The following B3GLCT variants were observed in gnomAD, a reference collection of about 807,000 sequenced individuals.
The protein encoded by B3GLCT is beta 3-glucosyltransferase, also known as beta-1,3-glucosyltransferase.
B3GLCT carries 65 observed loss-of-function variants against 63.4 expected under a neutral mutation model. That is an observed-to-expected ratio of 1.03 (90% CI 0.84 to 1.26). The LOEUF is 1.26. Among genes scored for constraint, B3GLCT ranks in the 50% most tolerant of loss-of-function variants. B3GLCT has a pLI of 0.00. For missense variants in B3GLCT, 577 were observed against 604.8 expected (o/e 0.95, Z 0.48); for synonymous variants, 233 against 219.2 (o/e 1.06, Z -0.55).
intron 9 of B3GLCT, 60 bp from the exon 10 acceptor site, chr13:31,276,642 G>T (rs993550796): frequency 1.6e-5 from 16 of 1,015,926 alleles, no homozygotes; most frequent in Non-Finnish European, 2.5e-5. Flanking sequence ...GAGATCTAGT[G>T]TGGGTGTGAA....
At chr13:31,259,978 A>C (rs1176866027) in intron 6 of B3GLCT, among the ~76,000 whole-genome samples, 2 of 152,086 alleles carry the variant, frequency 1.3e-5, no homozygotes, top group Non-Finnish European at 2.9e-5. Context: ...TGCAATCCAG[A>C]TTGTTCTATT....
intron 1 of B3GLCT, among the ~76,000 whole-genome samples, chr13:31,203,855 A>C (rs76399070): frequency 1.0e-3 from 158 of 152,242 alleles, no homozygotes; most frequent in African/African-American, 3.8e-3. Flanking sequence ...TCACTAAGCA[A>C]CTCCCAAAGA....
intron 2 of B3GLCT, among the ~76,000 whole-genome samples, chr13:31,220,007 T>A (rs1296438871): frequency 6.6e-6 from 1 of 152,240 alleles, no homozygotes. Context: ...GAAGTGGGTC[T>A]TGTCATTATT....
intron 1 of B3GLCT, among the ~76,000 whole-genome samples, chr13:31,200,808 C>T (rs1409478664): frequency 1.3e-5 from 2 of 152,046 alleles, no homozygotes; most frequent in East Asian, 3.9e-4. Context: ...AGGACAGGGG[C>T]GCCCGCTGGG....
intron 12 of B3GLCT, among the ~76,000 whole-genome samples, chr13:31,308,441 T>C (rs117495701): frequency 0.034 from 5,160 of 151,228 alleles, 135 homozygotes; most frequent in Non-Finnish European, 0.054. Context: ...TTGGCATTTA[T>C]AGGTGGAGTC....
chr13:31,236,660 C>G (rs1381636314), intron 4 of B3GLCT, among the ~76,000 whole-genome samples: 2 of 152,184 alleles, frequency 1.3e-5, no homozygotes, highest in Non-Finnish European at 2.9e-5. Context: ...TGAGCTGTTA[C>G]AGCTTAGGTA....
At chr13:31,270,967 C>T (rs1872553636) in intron 8 of B3GLCT, among the ~76,000 whole-genome samples, 1 of 152,168 alleles carries the variant, frequency 6.6e-6, no homozygotes. Context: ...GTTTCCACCT[C>T]ATAAAATGAA....
In B3GLCT at chr13:31,323,821, C is replaced by G. The variant is rs779399681; in HGVS notation, c.1255C>G (p.Pro419Ala). The change falls in exon 14 of 15, where the codon CCC (proline) becomes GCC (alanine). Residue 419 changes from proline to alanine, a missense_variant. Transcript: ENST00000343307. ...SKCRCYSNDA[P>A]DDMVLGMCFS... ...ATGTCGATGCTACAGCAATGATGCT[C>G]CCGATGATATGGTCCTGGGAATGTG... 17 of 1,614,128 alleles carry G rather than the reference C, an allele frequency of 1.1e-5. No individual in the cohort carries two copies. The highest frequency in any genetic ancestry group is 1.4e-5 in the Non-Finnish European group (16 of 1,179,996).
chr13:31,211,360 C>T (rs1869250181), intron 1 of B3GLCT, among the ~76,000 whole-genome samples: 1 of 152,160 alleles, frequency 6.6e-6, no homozygotes, highest in Admixed American at 6.5e-5. Flanking sequence ...AGTGCCACTG[C>T]ACTCCACTCT....
intron 10 of B3GLCT, among the ~76,000 whole-genome samples, chr13:31,277,997 T>G (rs539940850): frequency 4.6e-5 from 7 of 152,290 alleles, no homozygotes; most frequent in African/African-American, 1.4e-4. Context: ...TGGAAGGGTT[T>G]TGTGGGATTA....
chr13:31,289,274 T>C (rs564798921), intron 12 of B3GLCT, among the ~76,000 whole-genome samples: 5 of 152,238 alleles, frequency 3.3e-5, no homozygotes, highest in African/African-American at 4.8e-5. Context: ...AACTTATAAA[T>C]TATCAATATT....
chr13:31,228,938 G>C (rs1400569469), intron 3 of B3GLCT, among the ~76,000 whole-genome samples: 2 of 152,184 alleles, frequency 1.3e-5, no homozygotes, highest in Non-Finnish European at 2.9e-5. Context: ...CACATTCTCA[G>C]TTTGGTGCCA....
At chr13:31,288,118 C>G (rs1873439464) in intron 12 of B3GLCT, among the ~76,000 whole-genome samples, 1 of 151,956 alleles carries the variant, frequency 6.6e-6, no homozygotes, top group South Asian at 2.1e-4. Flanking sequence ...CCCATAGATC[C>G]AAGAGTGTCA....
intron 9 of B3GLCT, among the ~76,000 whole-genome samples, chr13:31,276,261 G>A (rs1872778280): frequency 6.6e-6 from 1 of 152,050 alleles, no homozygotes; most frequent in Admixed American, 6.5e-5. Context: ...CCCAGAAAAG[G>A]GCAACATCTC....
Position 31,286,824 on chromosome 13 carries a change from G to T in B3GLCT, c.1064+5G>T, listed in dbSNP as rs749084947. 1.5e-5 allele frequency: 23 copies of T among 1,586,098 alleles called. No homozygotes were observed. The Admixed American group carries it at 3.9e-4, about 27-fold the overall frequency. ...GGATGATGATACATTAATAAGGTAA[G>T]GAGTCATTCTCATCCTAAATGGCTT... On this transcript the variant is annotated splice_donor_5th_base_variant and intron_variant, in intron 12 of 14. Coordinates refer to ENST00000343307, the MANE Select transcript of B3GLCT (RefSeq NM_194318.4).
At chr13:31,270,037 C>G (rs1365616061) in intron 8 of B3GLCT, among the ~76,000 whole-genome samples, 4 of 152,180 alleles carry the variant, frequency 2.6e-5, no homozygotes, top group African/African-American at 9.7e-5. Context: ...CTATTGGTCC[C>G]AAGCAGGCAG....
At chr13:31,205,186 G>T (rs1868881772) in intron 1 of B3GLCT, among the ~76,000 whole-genome samples, 1 of 151,836 alleles carries the variant, frequency 6.6e-6, no homozygotes, top group East Asian at 1.9e-4. Context: ...GACAGGTCTG[G>T]CTGGAAGGTA....
intron 12 of B3GLCT, among the ~76,000 whole-genome samples, chr13:31,315,012 C>T (rs1429771397): frequency 1.3e-5 from 2 of 152,138 alleles, no homozygotes; most frequent in Admixed American, 6.5e-5. Flanking sequence ...GTAAGAAATG[C>T]CTTTTGCCCT....
At chr13:31,240,758 AAGTT>A (rs1383027734) in intron 4 of B3GLCT, among the ~76,000 whole-genome samples, 1 of 152,118 alleles carries the variant, frequency 6.6e-6, no homozygotes, top group Non-Finnish European at 1.5e-5. Context: ...AGTTTACTAA[AAGTT>A]AATTTTATTT....
Sources: allele counts gnomAD v4.1 joint callset (sites outside exome capture counted in the v4.1 genomes callset), GRCh38; gene constraint gnomAD v4.1.1; transcripts MANE v1.5; gene names NCBI Gene and HGNC (gene_info 2026-07-23, HGNC 2026-07-21).